The following IRAK1BP1 variants were observed in gnomAD, a reference collection of about 807,000 sequenced individuals.
IRAK1BP1 encodes the protein interleukin-1 receptor-associated kinase 1-binding protein 1.
Under a neutral mutation model 28.0 loss-of-function variants are expected in IRAK1BP1, and 24 were observed. The observed-to-expected ratio is 0.86, with a 90% CI of 0.62 to 1.20. The LOEUF is 1.20. IRAK1BP1 is among the 50% of genes most tolerant of loss of function. The probability of loss-of-function intolerance (pLI) is 0.00; values close to 1 mark genes in which losing one functional copy is unlikely to be tolerated. For synonymous variants in IRAK1BP1, 131 were observed against 116.3 expected, an observed-to-expected ratio of 1.13 and a Z score of -0.81; for missense variants, 336 against 316.7, an observed-to-expected ratio of 1.06 and a Z score of -0.46.
chr6:78,912,968 C>T (rs1014772440), intron 4 of IRAK1BP1, among the ~76,000 whole-genome samples: 1 of 151,986 alleles, frequency 6.6e-6, no homozygotes, highest in Admixed American at 6.6e-5. Flanking sequence ...GATCTATAAG[C>T]ATATATATGT....
intron 3 of IRAK1BP1, 32 bp downstream of exon 3, chr6:78,897,991 T>C: frequency 1.2e-6 from 2 of 1,610,954 alleles, no homozygotes; most frequent in Non-Finnish European, 1.7e-6. Context: ...ACTAAGATAT[T>C]CTTTAAACAA....
chr6:78,945,365 T>C, intron 4 of IRAK1BP1: 1 of 1,613,906 alleles, frequency 6.2e-7, no homozygotes, highest in Non-Finnish European at 8.5e-7. Flanking sequence ...TGACTTCATT[T>C]TACGTTTGAC....
At chr6:78,940,953 T>C (rs1480874992) in intron 4 of IRAK1BP1, 1 of 1,613,990 alleles carries the variant, frequency 6.2e-7, no homozygotes, top group Non-Finnish European at 8.5e-7. Context: ...CTTAACACTT[T>C]GACACTTGCA....
Position 78,902,308 on chromosome 6 carries a change from A to C in IRAK1BP1, c.*3974A>C, listed in dbSNP as rs916295107. 1 of 152,166 alleles carries C rather than the reference A, an allele frequency of 6.6e-6. No homozygotes were observed. Among genetic ancestry groups the C allele is most frequent in the African/African-American group, 2.4e-5 (1 of 41,408 alleles). The allele number at this position is 152,166 out of a possible 1,614,324, so 9.4% of individuals were successfully genotyped here. The stretch of plus-strand genomic sequence containing the variant: ...TAGGTGCACACCACCAGGCCTGGCT[A>C]ATTTTTTATTAGTGATAAGGTCTTG... On this transcript the variant is annotated 3_prime_UTR_variant, in exon 4 of 4. Coordinates refer to ENST00000369940, the MANE Select transcript of IRAK1BP1 (RefSeq NM_001010844.4).
At chr6:78,896,898 C>T (rs4327648) in intron 2 of IRAK1BP1, among the ~76,000 whole-genome samples, 135,548 of 151,778 alleles carry the variant, frequency 0.89, 60,559 homozygotes, top group Admixed American at 0.9. Context: ...ATGTCTCTCT[C>T]TGCTACTCCA....
intron 2 of IRAK1BP1, among the ~76,000 whole-genome samples, chr6:78,890,653 A>G (rs1366364909): frequency 6.6e-6 from 1 of 152,244 alleles, no homozygotes. Flanking sequence ...TTCACAAACC[A>G]AGGGTCAGAA....
At chr6:78,935,580 A>G (rs1773247372) in intron 4 of IRAK1BP1, 9 of 972,914 alleles carry the variant, frequency 9.3e-6, no homozygotes, top group Non-Finnish European at 9.8e-6. Flanking sequence ...GTAAGAAATC[A>G]ATAAAATTGT....
the IRAK1BP1 span, among the ~76,000 whole-genome samples, chr6:78,960,036 G>A: frequency 6.6e-6 from 1 of 152,096 alleles, no homozygotes; most frequent in African/African-American, 2.4e-5. Context: ...GGCTGACTGG[G>A]AGCTACTGGG....
chr6:78,924,646 G>A lies in IRAK1BP1; in HGVS notation c.*68-20762G>A, dbSNP rs1352984272. On this transcript the variant is annotated intron_variant and NMD_transcript_variant, in intron 4 of 4. Coordinates refer to the IRAK1BP1 transcript ENST00000606868. ...AGGATTTTAGACCAATATCCCTGAT[G>A]AACATTGATGCAAAAATCCTTCATA... is the stretch of plus-strand genomic sequence containing the variant. 2.6e-5 allele frequency among the ~76,000 whole-genome samples: 4 copies of A among 152,194 alleles called. No homozygotes were observed. The East Asian group carries it at 5.8e-4, about 22-fold the overall frequency.
At chr6:78,947,472 G>T, downstream of IRAK1BP1, 1 of 526,688 alleles carries the variant, frequency 1.9e-6, no homozygotes, top group Non-Finnish European at 3.3e-6. Context: ...GAGCTGAGTA[G>T]AAAGGTATAA....
In IRAK1BP1 at chr6:78,899,974, T is replaced by G. The variant is rs984780768; in HGVS notation, c.*1640T>G. 2 of 152,210 alleles carry G rather than the reference T, an allele frequency of 1.3e-5. No individual in the cohort carries two copies. Among genetic ancestry groups the G allele is most frequent in the African/African-American group, 4.8e-5 (2 of 41,452 alleles). 9.4% of individuals were successfully genotyped at this position (152,210 alleles called of 1,614,324 possible). On this transcript the variant is annotated 3_prime_UTR_variant, in exon 4 of 4. Transcript: ENST00000369940. The stretch of plus-strand genomic sequence containing the variant: ...GAAATATTTTATCTGTATTTAAATT[T>G]CCTAAAATGTACAGTTGAAAAAAAG...
At chr6:78,924,556 A>G (rs992720703) in intron 4 of IRAK1BP1, among the ~76,000 whole-genome samples, 4 of 152,214 alleles carry the variant, frequency 2.6e-5, no homozygotes, top group Admixed American at 2.6e-4. Context: ...AATCCTCCCT[A>G]ACTCATTTTA....
At chr6:78,934,271 A>G (rs1041669545) in intron 4 of IRAK1BP1, among the ~76,000 whole-genome samples, 2 of 152,220 alleles carry the variant, frequency 1.3e-5, no homozygotes, top group African/African-American at 4.8e-5. Context: ...GACAGATAGA[A>G]TGAGATTTTA....
intron 4 of IRAK1BP1, among the ~76,000 whole-genome samples, chr6:78,925,579 T>G (rs1367785523): frequency 6.6e-6 from 1 of 152,130 alleles, no homozygotes; most frequent in Admixed American, 6.6e-5. Context: ...ACTTATACAC[T>G]GCTGCTGGTA....
intron 4 of IRAK1BP1, among the ~76,000 whole-genome samples, chr6:78,918,770 C>T (rs939620104): frequency 1.3e-5 from 2 of 152,138 alleles, no homozygotes; most frequent in Non-Finnish European, 2.9e-5. Context: ...GACTTCAACA[C>T]CCTCCTGACA....
chr6:78,970,686 G>T, the IRAK1BP1 span: 1 of 755,354 alleles, frequency 1.3e-6, no homozygotes, highest in Non-Finnish European at 2.2e-6. Context: ...TCATGATGCA[G>T]TTTCTTATTG....
intron 1 of IRAK1BP1, chr6:78,871,455 C>T (rs1320567740): frequency 1.0e-6 from 1 of 985,374 alleles, no homozygotes; most frequent in African/African-American, 1.7e-5. Flanking sequence ...CACAACAGAC[C>T]ACCTCAGCCA....
chr6:78,956,747 A>C, the IRAK1BP1 span: 1 of 152,144 alleles, frequency 6.6e-6, no homozygotes, highest in Non-Finnish European at 1.5e-5. Flanking sequence ...CCTTGTATAC[A>C]ATGTCTTAAC....
rs1005783402 is a variant in IRAK1BP1 at position 78,875,818 on chromosome 6, A to G, written c.315+7927A>G. On this transcript the variant is annotated intron_variant, in intron 1 of 3. Coordinates refer to ENST00000369940, the MANE Select transcript of IRAK1BP1 (RefSeq NM_001010844.4). ...GTACCCCACACCTCAGCATCACGCA[A>G]TGTACCCATGTAACAAACATGCACA... 3.3e-5 allele frequency among the ~76,000 whole-genome samples: 5 copies of G among 152,282 alleles called. No homozygotes were observed. The South Asian group carries it at 1.0e-3, about 32-fold the overall frequency.
Sources: allele counts gnomAD v4.1 joint callset (sites outside exome capture counted in the v4.1 genomes callset), GRCh38; gene constraint gnomAD v4.1.1; transcripts MANE v1.5; gene names NCBI Gene and HGNC (gene_info 2026-07-23, HGNC 2026-07-21).